Variants in TEX9 observed in about 807,000 individuals in gnomAD.
TEX9 encodes the protein testis expressed 9, also known as testis-expressed protein 9.
In TEX9, 74 loss-of-function variants were observed where a neutral mutation model predicts 59.6. The ratio of observed to expected loss-of-function variants is 1.24; its 90% confidence interval spans 1.03 to 1.51. The LOEUF (loss-of-function observed/expected upper bound fraction) is 1.51. Among genes scored for constraint, TEX9 ranks in the 40% most tolerant of loss-of-function variants. The pLI is 0.00. For synonymous variants in TEX9, 186 were observed against 152.2 expected (o/e 1.22, Z -1.64); for missense variants, 522 against 447.8 (o/e 1.17, Z -1.49).
At chr15:56,447,183 G>A (rs2050911992), downstream of TEX9, 3 of 344,602 alleles carry the variant, frequency 8.7e-6, no homozygotes, top group Non-Finnish European at 1.6e-5. Context: ...TGCTTATCCT[G>A]TGTCAATACC....
chr15:56,428,497 C>T, intron 12 of TEX9: 1 of 1,237,616 alleles, frequency 8.1e-7, no homozygotes, highest in East Asian at 2.3e-5. Context: ...ACCCATTTTA[C>T]TTATTGTAGT....
chr15:56,278,124 G>T (rs1005334162), intron 1 of TEX9, among the ~76,000 whole-genome samples: 8 of 151,802 alleles, frequency 5.3e-5, no homozygotes, highest in African/African-American at 1.7e-4. Context: ...TTTCCTATAT[G>T]TTCTTTACAA....
intron 1 of TEX9, among the ~76,000 whole-genome samples, chr15:56,263,324 C>T (rs760723230): frequency 5.3e-5 from 8 of 152,004 alleles, no homozygotes; most frequent in Non-Finnish European, 1.2e-4. Flanking sequence ...TGCCTGGCCA[C>T]GGGTTGTTTT....
chr15:56,254,249 T>C (rs74017501), intron 1 of TEX9, among the ~76,000 whole-genome samples: 5,113 of 152,048 alleles, frequency 0.034, 294 homozygotes, highest in African/African-American at 0.12. Flanking sequence ...AACTGTGCCG[T>C]ACATTTGGCT....
intron 10 of TEX9, among the ~76,000 whole-genome samples, chr15:56,426,570 T>G (rs1221913501): frequency 2.6e-5 from 3 of 115,642 alleles, no homozygotes; most frequent in South Asian, 3.1e-4. Flanking sequence ...GTGTTTTTTT[T>G]TTTTTTTTTT....
chr15:56,456,396 G>C, the TEX9 span: 1 of 1,603,732 alleles, frequency 6.2e-7, no homozygotes, highest in Non-Finnish European at 8.5e-7. Flanking sequence ...CAAGATACCT[G>C]TTTTCTCTTA....
At chr15:56,273,755 A>G (rs545829190) in intron 1 of TEX9, among the ~76,000 whole-genome samples, 1 of 152,280 alleles carries the variant, frequency 6.6e-6, no homozygotes, top group East Asian at 1.9e-4. Context: ...ATTTCTTTCC[A>G]TTCTTTTCTA....
intron 1 of TEX9, among the ~76,000 whole-genome samples, chr15:56,290,118 C>T (rs2045053555): frequency 6.6e-6 from 1 of 152,124 alleles, no homozygotes; most frequent in African/African-American, 2.4e-5. Context: ...CGTGGAGCTG[C>T]CATGCCTCTA....
chr15:56,432,129 G>C (rs1338129684), intron 12 of TEX9, among the ~76,000 whole-genome samples: 5 of 152,140 alleles, frequency 3.3e-5, no homozygotes, highest in Non-Finnish European at 7.4e-5. Flanking sequence ...GGAGATACAG[G>C]AAAGTTCTGT....
intron 6 of TEX9, among the ~76,000 whole-genome samples, chr15:56,390,600 C>G (rs1246230293): frequency 6.6e-6 from 1 of 151,918 alleles, no homozygotes; most frequent in Non-Finnish European, 1.5e-5. Flanking sequence ...TCCTCAGTGC[C>G]TTTAGAAATG....
At chr15:56,365,668 T>C (rs771120554) in exon 2 of TEX9, 2 of 1,613,994 alleles carry the variant, frequency 1.2e-6, no homozygotes, top group East Asian at 2.2e-5. Context: ...AGGAAGAATA[T>C]AAGTAAGAAA....
chr15:56,405,090 C>T (rs28678726), intron 9 of TEX9, among the ~76,000 whole-genome samples: 4,751 of 152,046 alleles, frequency 0.031, 180 homozygotes, highest in East Asian at 0.092. Context: ...TGTATCAAAC[C>T]TGCACGTTGT....
chr15:56,305,314 G>T (rs1385319498), intron 1 of TEX9, among the ~76,000 whole-genome samples: 1 of 151,854 alleles, frequency 6.6e-6, no homozygotes, highest in Non-Finnish European at 1.5e-5. Flanking sequence ...GACCCAGAAT[G>T]GCCAAGGTCA....
At chr15:56,331,781 C>G (rs2046150664) in intron 1 of TEX9, among the ~76,000 whole-genome samples, 2 of 150,518 alleles carry the variant, frequency 1.3e-5, no homozygotes, top group Admixed American at 1.3e-4. Flanking sequence ...AAGAAAAAAA[C>G]AAACAACCCC....
At chr15:56,323,203 C>G (rs567906454) in intron 1 of TEX9, 1 of 217,338 alleles carries the variant, frequency 4.6e-6, no homozygotes, top group African/African-American at 2.3e-5. Flanking sequence ...CAAGAAAAAG[C>G]AGCCAATGCT....
At chr15:56,415,339 G>C (rs1321668111) in intron 10 of TEX9, among the ~76,000 whole-genome samples, 2 of 151,860 alleles carry the variant, frequency 1.3e-5, no homozygotes, top group African/African-American at 2.4e-5. Context: ...GTATTGCCTA[G>C]GTTGTCTTCC....
intron 12 of TEX9, chr15:56,445,613 A>G (rs535168579): frequency 6.6e-6 from 1 of 152,036 alleles, no homozygotes; most frequent in African/African-American, 2.4e-5. Context: ...TGAGATGACA[A>G]TAACATTTAT....
chr15:56,252,656 G>C (rs1013738222), intron 1 of TEX9, among the ~76,000 whole-genome samples: 1 of 152,108 alleles, frequency 6.6e-6, no homozygotes, highest in Non-Finnish European at 1.5e-5. Context: ...TCTGCTGCGT[G>C]CTTCCTGTAA....
intron 1 of TEX9, among the ~76,000 whole-genome samples, chr15:56,280,367 T>A (rs1452705053): frequency 6.6e-6 from 1 of 152,192 alleles, no homozygotes; most frequent in African/African-American, 2.4e-5. Flanking sequence ...GTGTTAAACC[T>A]TCACATTGTG....
Sources: gnomAD v4.1 joint callset for allele counts (sites outside exome capture counted in the v4.1 genomes callset) on GRCh38, gnomAD v4.1.1 for gene constraint, MANE v1.5 for transcripts, NCBI Gene and HGNC (gene_info 2026-07-23, HGNC 2026-07-21) for gene names.